GIPR: variants seen among roughly 807,000 people sequenced by gnomAD.
GIPR encodes the protein GIP-R.
GIPR carries 74 observed loss-of-function variants against 62.2 expected under a neutral mutation model. That is an observed-to-expected ratio of 1.19 (90% CI 0.99 to 1.44). The LOEUF (loss-of-function observed/expected upper bound fraction) is 1.44, where lower values mean the gene tolerates loss of function less well. Ranked by LOEUF, GIPR falls within the 40% of genes most tolerant of loss-of-function variation. GIPR has a pLI of 0.00. For missense variants in GIPR, 664 were observed against 611.8 expected (o/e 1.09, Z -0.90); for synonymous variants, 256 against 262.2 (o/e 0.98, Z 0.23).
chr19:45,672,813 C>T (rs368559902), intron 4 of GIPR, 38 bp from the exon 5 acceptor site: 9 of 1,237,606 alleles, frequency 7.3e-6, no homozygotes, highest in Middle Eastern at 3.7e-4. Context: ...TTATCTCTTT[C>T]TCTGTGTGCC....
At chr19:45,669,670 G>A in intron 2 of GIPR, 78 bp downstream of exon 2, 2 of 1,521,246 alleles carry the variant, frequency 1.3e-6, no homozygotes, top group Non-Finnish European at 1.8e-6. Context: ...CGTCGTCAGG[G>A]CGCTGTCGCT....
At chr19:45,674,595 A>T in intron 6 of GIPR, 87 bp from the exon 7 acceptor site, 1 of 1,200,866 alleles carries the variant, frequency 8.3e-7, no homozygotes, top group Non-Finnish European at 1.2e-6. Context: ...TGACAGAGTG[A>T]GACCCTGTTT....
intron 4 of GIPR, among the ~76,000 whole-genome samples, chr19:45,671,669 G>C (rs1268428994): frequency 6.6e-6 from 1 of 152,056 alleles, no homozygotes. Context: ...GGATGAACTC[G>C]GCTCACTGCA....
At chr19:45,676,739 C>A (rs1347839498) in intron 7 of GIPR, among the ~76,000 whole-genome samples, 1 of 151,984 alleles carries the variant, frequency 6.6e-6, no homozygotes, top group Non-Finnish European at 1.5e-5. Context: ...CTACCAGATA[C>A]CAATTGTTAA....
intron 12 of GIPR, 107 bp from the exon 13 acceptor site, chr19:45,681,497 T>G: frequency 3.3e-6 from 3 of 906,972 alleles, no homozygotes; most frequent in Non-Finnish European, 5.1e-6. Flanking sequence ...TTCCGACTCT[T>G]AAAAACAAAC....
intron 12 of GIPR, 155 bp downstream of exon 12, chr19:45,678,381 T>G: frequency 2.2e-6 from 2 of 897,936 alleles, no homozygotes; most frequent in Non-Finnish European, 3.4e-6. Flanking sequence ...TTTTTTTTTT[T>G]GAGACGGATT....
chr19:45,671,765 C>T (rs1461760169), intron 4 of GIPR, among the ~76,000 whole-genome samples: 1 of 149,928 alleles, frequency 6.7e-6, no homozygotes, highest in Non-Finnish European at 1.5e-5. Context: ...CAGGCGCGCG[C>T]CACCACACCC....
chr19:45,673,648 G>A (rs756937158), intron 5 of GIPR, among the ~76,000 whole-genome samples: 9 of 151,670 alleles, frequency 5.9e-5, no homozygotes, highest in Non-Finnish European at 8.8e-5. Flanking sequence ...GGCGGATCAC[G>A]AGGTCAAGAG....
At chr19:45,673,461 C>G (rs905994461) in intron 5 of GIPR, among the ~76,000 whole-genome samples, 2 of 149,944 alleles carry the variant, frequency 1.3e-5, no homozygotes, top group African/African-American at 4.9e-5. Flanking sequence ...GTAGTTGGGC[C>G]AAGGTCAATG....
intron 5 of GIPR, among the ~76,000 whole-genome samples, 192 bp from the exon 6 acceptor site, chr19:45,673,882 G>A (rs950860977): frequency 1.3e-5 from 2 of 151,660 alleles, no homozygotes; most frequent in African/African-American, 4.8e-5. Context: ...AAAAATCTCT[G>A]GTTGGCTGGT....
intron 2 of GIPR, 103 bp from the exon 3 acceptor site, chr19:45,670,529 GCAA>G (rs1975477257): frequency 1.4e-6 from 1 of 731,146 alleles, no homozygotes; most frequent in Non-Finnish European, 2.4e-6. Context: ...CGAACAACAC[GCAA>G]CAGACCCTCA....
chr19:45,678,283 G>A, intron 12 of GIPR, 57 bp downstream of exon 12: 2 of 1,532,702 alleles, frequency 1.3e-6, no homozygotes, highest in Non-Finnish European at 1.8e-6. Context: ...CTCCCCAGAG[G>A]GGCACGAAAG....
At chr19:45,669,857 G>A (rs1975444930) in intron 2 of GIPR, among the ~76,000 whole-genome samples, 1 of 151,290 alleles carries the variant, frequency 6.6e-6, no homozygotes, top group Admixed American at 6.6e-5. Context: ...GCTGAGGCAG[G>A]AGAATCGCTT....
chr19:45,677,840 C>T (rs1967034853), intron 10 of GIPR, 61 bp downstream of exon 10: 1 of 1,591,674 alleles, frequency 6.3e-7, no homozygotes, highest in African/African-American at 1.3e-5. Context: ...GGGAAGTGGG[C>T]TGCCACCTCC....
At chr19:45,671,015 G>A (rs1408249185) in intron 3 of GIPR, among the ~76,000 whole-genome samples, 1 of 151,886 alleles carries the variant, frequency 6.6e-6, no homozygotes, top group Admixed American at 6.6e-5. Flanking sequence ...GGCCCTTCCG[G>A]GTGGGACGAT....
intron 4 of GIPR, 193 bp from the exon 5 acceptor site, chr19:45,672,658 C>G (rs1035535047): frequency 3.4e-6 from 2 of 581,144 alleles, no homozygotes; most frequent in East Asian, 6.3e-5. Flanking sequence ...AAGGATATTA[C>G]TAATTCCATG....
intron 4 of GIPR, among the ~76,000 whole-genome samples, chr19:45,671,787 TATATATATA>T (rs1975555413): frequency 6.7e-6 from 1 of 148,938 alleles, no homozygotes; most frequent in African/African-American, 2.5e-5. Context: ...GCTTTTTTTT[TATATATATA>T]TTTTTAGTAC....
intron 9 of GIPR, 106 bp downstream of exon 9, chr19:45,677,489 TG>T (rs1272354324): frequency 4.7e-6 from 4 of 854,756 alleles, no homozygotes; most frequent in Non-Finnish European, 7.5e-6. Flanking sequence ...TATTCGGTGC[TG>T]GGGATACGTG....
rs562448829 is a variant in GIPR at position 45,669,241 on chromosome 19, G to T, written c.-44-236G>T. The stretch of plus-strand genomic sequence containing the variant: ...GCTGCCCCAACAACAGTCAGGGGAG[G>T]CCGGGGAATCACTTAAGGGGCCCCG... On this transcript the variant is annotated intron_variant, in intron 1 of 13. Transcript: ENST00000590918. Among the ~76,000 whole-genome samples the T allele has an allele frequency of 1.8e-4, 27 of 152,202 alleles. No individual in the cohort carries two copies. In the South Asian group the frequency reaches 5.0e-3, roughly 28 times the overall value.
Sources: gnomAD v4.1 joint callset for allele counts (sites outside exome capture counted in the v4.1 genomes callset) on GRCh38, gnomAD v4.1.1 for gene constraint, MANE v1.5 for transcripts, NCBI Gene and HGNC (gene_info 2026-07-23, HGNC 2026-07-21) for gene names.